GRM8: variants seen among roughly 807,000 people sequenced by gnomAD.
The protein encoded by GRM8 is glutamate metabotropic receptor 8.
A neutral mutation model predicts 87.2 loss-of-function variants in GRM8; 47 were observed. That is an observed-to-expected ratio of 0.54 (90% CI 0.43 to 0.69). GRM8 has a LOEUF of 0.69. Among genes scored for constraint, GRM8 ranks in the 30% least tolerant of loss-of-function variants. GRM8 has a pLI of 0.00. For synonymous variants in GRM8, 396 were observed against 404.5 expected, an observed-to-expected ratio of 0.98 and a Z score of 0.25; for missense variants, 1,019 against 1,139.2, an observed-to-expected ratio of 0.89 and a Z score of 1.52.
At chr7:126,544,767 C>T (rs1816951122) in intron 8 of GRM8, among the ~76,000 whole-genome samples, 1 of 152,068 alleles carries the variant, frequency 6.6e-6, no homozygotes, top group Admixed American at 6.6e-5. Context: ...CTCGGCCTCC[C>T]AAAGTGCTGG....
At chr7:126,745,936 T>C (rs1815618277) in intron 7 of GRM8, among the ~76,000 whole-genome samples, 1 of 151,818 alleles carries the variant, frequency 6.6e-6, no homozygotes, top group African/African-American at 2.4e-5. Flanking sequence ...AATTTATATG[T>C]ACAATAGATA....
At chr7:127,155,623 G>T (rs949041859) in intron 2 of GRM8, among the ~76,000 whole-genome samples, 3 of 152,078 alleles carry the variant, frequency 2.0e-5, no homozygotes, top group Non-Finnish European at 4.4e-5. Flanking sequence ...GAAACAAAAA[G>T]AAAAGCACAG....
At position 126,743,436 on chromosome 7, in the gene GRM8, T is replaced by C. The variant is rs1585747516; in HGVS notation, c.1357+26429A>G. Among the ~76,000 whole-genome samples the C allele has an allele frequency of 4.6e-5, 7 of 152,240 alleles. No homozygotes were observed. The South Asian group carries it at 1.4e-3, about 32-fold the overall frequency. On this transcript the variant is annotated intron_variant, in intron 7 of 10. Transcript: ENST00000339582. Reference sequence around the variant, plus strand: ...CATATCATACCCTATGCTGACCCTTTAGACAAGTGTCTTAAACTATACTAA... The same window carrying C: ...CATATCATACCCTATGCTGACCCTTCAGACAAGTGTCTTAAACTATACTAA...
chr7:126,593,617 A>G (rs1796893402), intron 8 of GRM8, among the ~76,000 whole-genome samples: 1 of 152,042 alleles, frequency 6.6e-6, no homozygotes, highest in Non-Finnish European at 1.5e-5. Context: ...TTAAATACTT[A>G]AATATAAGAC....
intron 3 of GRM8, among the ~76,000 whole-genome samples, chr7:127,040,031 GGGGAGGGTGAGGAGGGT>G (rs1818263358): frequency 6.1e-5 from 2 of 33,028 alleles, no homozygotes; most frequent in African/African-American, 9.8e-5. Context: ...TGAGGAGGGA[GGGGAGGGTGAGGAGGGT>G]GGGGAGGAGG....
At chr7:126,878,407 C>T (rs1799715457) in intron 6 of GRM8, among the ~76,000 whole-genome samples, 2 of 152,128 alleles carry the variant, frequency 1.3e-5, no homozygotes, top group South Asian at 2.1e-4. Context: ...CCTGTGTGTT[C>T]TGCCTTCAAG....
chr7:126,817,701 G>A (rs1322177968), intron 6 of GRM8, among the ~76,000 whole-genome samples: 2 of 152,098 alleles, frequency 1.3e-5, no homozygotes, highest in Non-Finnish European at 2.9e-5. Flanking sequence ...TTGATTTTCA[G>A]AAGCAGACAT....
At chr7:127,022,480 C>A (rs1004809625) in intron 3 of GRM8, among the ~76,000 whole-genome samples, 1 of 151,998 alleles carries the variant, frequency 6.6e-6, no homozygotes, top group East Asian at 1.9e-4. Context: ...CTCATGCACC[C>A]AACCCTGACA....
chr7:126,946,686 A>G (rs1040395662), intron 3 of GRM8, among the ~76,000 whole-genome samples: 4 of 152,222 alleles, frequency 2.6e-5, no homozygotes, highest in Admixed American at 6.5e-5. Flanking sequence ...CCTGACCCAC[A>G]GTGACTACAG....
chr7:126,601,536 A>G (rs1797769613), intron 8 of GRM8, among the ~76,000 whole-genome samples: 1 of 151,562 alleles, frequency 6.6e-6, no homozygotes, highest in Admixed American at 6.6e-5. Flanking sequence ...GAACTAGTTT[A>G]CAGTCCCACC....
Position 126,787,957 on chromosome 7 carries a change from A to G in GRM8, c.1157-17892T>C, listed in dbSNP as rs561549327. Among the ~76,000 whole-genome samples the G allele has an allele frequency of 4.6e-5, 7 of 152,290 alleles. No homozygotes were observed. The South Asian group carries it at 1.0e-3, about 23-fold the overall frequency. On this transcript the variant is annotated intron_variant, in intron 6 of 10. Transcript: ENST00000339582. ...CTTAGACAAAAAATATCACCTAAAA[A>G]TTAAATATATCACAAATGGCTAAAG...
intron 7 of GRM8, among the ~76,000 whole-genome samples, chr7:126,728,948 T>A: frequency 6.6e-6 from 1 of 152,312 alleles, no homozygotes; most frequent in South Asian, 2.1e-4. Flanking sequence ...CTTCATTTCC[T>A]TCAGGTCTCT....
At chr7:127,211,042 T>C (rs1796184173) in intron 2 of GRM8, among the ~76,000 whole-genome samples, 1 of 152,208 alleles carries the variant, frequency 6.6e-6, no homozygotes, top group Non-Finnish European at 1.5e-5. Context: ...ATGCATATAT[T>C]GGAACTTGTA....
chr7:127,071,379 C>T (rs1821667881), intron 3 of GRM8, among the ~76,000 whole-genome samples: 1 of 152,136 alleles, frequency 6.6e-6, no homozygotes, highest in Admixed American at 6.6e-5. Context: ...TAAAACTGGA[C>T]TTTTTTTCTA....
intron 2 of GRM8, among the ~76,000 whole-genome samples, chr7:127,151,015 G>A (rs1828831389): frequency 1.3e-5 from 2 of 152,012 alleles, no homozygotes; most frequent in South Asian, 4.2e-4. Flanking sequence ...ACAGGTTTTA[G>A]CTATACACAT....
intron 3 of GRM8, among the ~76,000 whole-genome samples, chr7:126,939,352 A>C (rs145287392): frequency 2.0e-5 from 3 of 152,196 alleles, no homozygotes; most frequent in Admixed American, 6.5e-5. Context: ...AAGAACACCC[A>C]GTCTTTGAAT....
chr7:126,447,902 G>A (rs1275274925), intron 9 of GRM8, among the ~76,000 whole-genome samples: 3 of 151,890 alleles, frequency 2.0e-5, no homozygotes, highest in Non-Finnish European at 2.9e-5. Flanking sequence ...ATGCTTTAAC[G>A]AGATTTACTA....
chr7:126,907,750 C>T (rs1203463800), intron 3 of GRM8, among the ~76,000 whole-genome samples: 3 of 152,076 alleles, frequency 2.0e-5, no homozygotes, highest in East Asian at 1.9e-4. Flanking sequence ...AAATGGATGA[C>T]GATCGCTGAT....
intron 7 of GRM8, among the ~76,000 whole-genome samples, chr7:126,751,295 G>GAA (rs34676494): frequency 9.9e-5 from 15 of 151,160 alleles, no homozygotes; most frequent in South Asian, 4.2e-4. Flanking sequence ...CTTCTTTTTT[G>GAA]AAAAAAAAGA....
Sources: allele counts gnomAD v4.1 joint callset (sites outside exome capture counted in the v4.1 genomes callset), GRCh38; gene constraint gnomAD v4.1.1; transcripts MANE v1.5; gene names NCBI Gene and HGNC (gene_info 2026-07-23, HGNC 2026-07-21).